Variants in TMBIM4 observed in about 807,000 individuals in gnomAD.
The protein encoded by TMBIM4 is protein lifeguard 4.
TMBIM4 carries 28 observed loss-of-function variants against 27.7 expected under a neutral mutation model. That is an observed-to-expected ratio of 1.01 (90% CI 0.75 to 1.38). The LOEUF is 1.38. TMBIM4 is among the 40% of genes most tolerant of loss of function. The pLI is 0.00. For missense variants in TMBIM4, 265 were observed against 277.5 expected (o/e 0.95, Z 0.32); for synonymous variants, 115 against 113.1 (o/e 1.02, Z -0.11).
chr12:66,165,349 A>G (rs562328729), intron 1 of TMBIM4, among the ~76,000 whole-genome samples: 1 of 152,282 alleles, frequency 6.6e-6, no homozygotes, highest in African/African-American at 2.4e-5. Flanking sequence ...TGGTACTAAC[A>G]TAAAGACAGA....
chr12:66,136,259 G>T lies in TMBIM4; in HGVS notation c.*1701C>A, dbSNP rs1303514189. ...AGGAAGGATAAATAATTCGCCAAAT[G>T]TCACTTAAGCACCTGGTTGGACTGC... On this transcript the variant is annotated 3_prime_UTR_variant, in exon 7 of 7. Coordinates refer to ENST00000358230, the MANE Select transcript of TMBIM4 (RefSeq NM_016056.4). 1 of 152,128 alleles carries T rather than the reference G, an allele frequency of 6.6e-6. No individual in the cohort carries two copies. The highest frequency in any genetic ancestry group is 6.5e-5 in the Admixed American group (1 of 15,270). The allele number at this position is 152,128 out of a possible 1,614,324, so 9.4% of individuals were successfully genotyped here. A position where few individuals can be genotyped will look rare whatever the true frequency, so the allele number is the denominator to read the frequency against.
chr12:66,169,298 C>T, intron 1 of TMBIM4: 1 of 697,232 alleles, frequency 1.4e-6, no homozygotes, highest in East Asian at 2.7e-5. Flanking sequence ...ACTTAGGAAG[C>T]TTCTGTGTTG....
chr12:66,163,812 G>C (rs112405024), intron 1 of TMBIM4, among the ~76,000 whole-genome samples: 2 of 152,170 alleles, frequency 1.3e-5, no homozygotes, highest in Non-Finnish European at 2.9e-5. Context: ...AACTGAAGAG[G>C]AGGGAACCCT....
At chr12:66,165,910 A>G (rs186256458) in intron 1 of TMBIM4, among the ~76,000 whole-genome samples, 1 of 152,324 alleles carries the variant, frequency 6.6e-6, no homozygotes, top group Admixed American at 6.5e-5. Context: ...TTTGATACAC[A>G]GAAGTTTTAA....
chr12:66,143,351 A>T (rs1274064944), intron 5 of TMBIM4, among the ~76,000 whole-genome samples: 3 of 152,188 alleles, frequency 2.0e-5, no homozygotes, highest in Non-Finnish European at 4.4e-5. Flanking sequence ...TCTCAACAAG[A>T]AGCACAGAAT....
intron 1 of TMBIM4, chr12:66,169,636 C>T: frequency 2.2e-6 from 1 of 455,484 alleles, no homozygotes; most frequent in Non-Finnish European, 3.9e-6. Context: ...CTGGGCCTGG[C>T]GCCCTCCCAC....
At chr12:66,152,213 C>T in intron 3 of TMBIM4, 58 bp downstream of exon 3, 1 of 1,002,126 alleles carries the variant, frequency 1.0e-6, no homozygotes. Flanking sequence ...ATTATATATG[C>T]ATTTATTTAA....
intron 3 of TMBIM4, among the ~76,000 whole-genome samples, chr12:66,151,502 G>A (rs1222483922): frequency 6.6e-6 from 1 of 152,198 alleles, no homozygotes; most frequent in Admixed American, 6.5e-5. Flanking sequence ...GCCTTCCAGA[G>A]TGCTGGGATT....
chr12:66,148,015 C>G (rs563840499), intron 3 of TMBIM4, 74 bp from the exon 4 acceptor site: 16 of 1,373,000 alleles, frequency 1.2e-5, no homozygotes, highest in Admixed American at 1.1e-4. Flanking sequence ...TTTCTAGCAG[C>G]TTAATGTGAT....
intron 1 of TMBIM4, among the ~76,000 whole-genome samples, chr12:66,158,363 G>A (rs531418535): frequency 1.9e-4 from 28 of 147,658 alleles, no homozygotes; most frequent in South Asian, 1.1e-3. Flanking sequence ...CATTCAGGCC[G>A]GGTGCAGTGG....
rs190799235 is a variant in TMBIM4, at chr12:66,160,240, G to T, written c.98-6792C>A. 9.1e-5 allele frequency: 64 copies of T among 703,282 alleles called. No homozygotes were observed. In the African/African-American group the frequency reaches 1.0e-3, roughly 11 times the overall value. The allele number at this position is 703,282 out of a possible 1,614,324, so 43.6% of individuals were successfully genotyped here. A position where few individuals can be genotyped will look rare whatever the true frequency, so the allele number is the denominator to read the frequency against. ...AGATGAAAAAATCTGATGATATTCA[G>T]TGTGGCTGAGGGTGCAGAAGGTATC... On this transcript the variant is annotated intron_variant, in intron 1 of 6. Coordinates refer to ENST00000358230, the MANE Select transcript of TMBIM4 (RefSeq NM_016056.4).
intron 3 of TMBIM4, among the ~76,000 whole-genome samples, chr12:66,149,126 A>G (rs2051799402): frequency 6.6e-6 from 1 of 152,108 alleles, no homozygotes. Context: ...GCCAGCAAAA[A>G]TGGTAGCAAA....
intron 5 of TMBIM4, among the ~76,000 whole-genome samples, chr12:66,142,937 C>G (rs2051692655): frequency 6.6e-6 from 1 of 152,136 alleles, no homozygotes; most frequent in Non-Finnish European, 1.5e-5. Flanking sequence ...AAACAGATAC[C>G]TTTTCTCCAC....
intron 1 of TMBIM4, among the ~76,000 whole-genome samples, chr12:66,162,316 T>C (rs1179770343): frequency 6.6e-6 from 1 of 152,220 alleles, no homozygotes; most frequent in South Asian, 2.1e-4. Context: ...CATATAACTT[T>C]TATTATAGTA....
chr12:66,142,346 G>A (rs1320718294), intron 5 of TMBIM4, among the ~76,000 whole-genome samples: 3 of 150,628 alleles, frequency 2.0e-5, no homozygotes, highest in East Asian at 1.9e-4. Flanking sequence ...AAATTCCAAC[G>A]TTCCTGCACC....
At position 66,149,421 on chromosome 12, in the gene TMBIM4, G is replaced by A. The variant is rs1417187363; in HGVS notation, c.313-1480C>T. Among the ~76,000 whole-genome samples the A allele has an allele frequency of 7.4e-5, 11 of 147,816 alleles. No individual in the cohort carries two copies. In the East Asian group the frequency reaches 2.3e-3, roughly 30 times the overall value. The stretch of plus-strand genomic sequence containing the variant: ...GTTCGTGCCACTGCACTCCAGCCTG[G>A]GTGACAGAGAGAGACCCTGTCTCAA... On this transcript the variant is annotated intron_variant, in intron 3 of 6. Transcript: ENST00000358230.
chr12:66,145,999 C>T, intron 4 of TMBIM4, 41 bp from the exon 5 acceptor site: 1 of 1,102,398 alleles, frequency 9.1e-7, no homozygotes, highest in Non-Finnish European at 1.3e-6. Context: ...TATAAACATG[C>T]TCAATACAAA....
chr12:66,167,493 T>C (rs1415539065), intron 1 of TMBIM4, among the ~76,000 whole-genome samples: 1 of 152,196 alleles, frequency 6.6e-6, no homozygotes, highest in Non-Finnish European at 1.5e-5. Flanking sequence ...ACGCATACTT[T>C]TAAAATGTGC....
Position 66,167,336 on chromosome 12 carries a change from A to C in TMBIM4, c.97+2519T>G, listed in dbSNP as rs1377520920. Among the ~76,000 whole-genome samples, 4 of 152,326 alleles carry C rather than the reference A, an allele frequency of 2.6e-5. No homozygotes were observed. The East Asian group carries it at 7.7e-4, about 29-fold the overall frequency. ...CTCTGGTACAGAACGTTATTAGTGC[A>C]AGAGGCTTGGGGAAAAGCAGAAAGG... On this transcript the variant is annotated intron_variant, in intron 1 of 6. Transcript: ENST00000358230.
Sources: allele counts gnomAD v4.1 joint callset (sites outside exome capture counted in the v4.1 genomes callset), GRCh38; gene constraint gnomAD v4.1.1; transcripts MANE v1.5; gene names NCBI Gene and HGNC (gene_info 2026-07-23, HGNC 2026-07-21).